Variants in ZNF346 observed in about 807,000 individuals in gnomAD.
ZNF346 encodes double-stranded RNA-binding zinc finger protein JAZ.
Under a neutral mutation model 33.7 loss-of-function variants are expected in ZNF346, and 23 were observed. The observed-to-expected ratio is 0.68, with a 90% confidence interval of 0.49 to 0.97. The LOEUF (loss-of-function observed/expected upper bound fraction) is 0.97, where lower values mean the gene tolerates loss of function less well. ZNF346 is among the 50% of genes least tolerant of loss of function. The pLI is 0.00. For synonymous variants in ZNF346, 134 were observed against 142.4 expected (o/e 0.94, Z 0.42); for missense variants, 340 against 371.1 (o/e 0.92, Z 0.69).
intron 5 of ZNF346, among the ~76,000 whole-genome samples, 155 bp downstream of exon 5, chr5:177,051,091 G>T (rs972937852): frequency 6.6e-6 from 1 of 151,802 alleles, no homozygotes; most frequent in Admixed American, 6.6e-5. Flanking sequence ...TAAAATGAGA[G>T]CCAGGAAGGG....
chr5:177,069,358 A>G (rs946461970), downstream of ZNF346, among the ~76,000 whole-genome samples: 3 of 151,678 alleles, frequency 2.0e-5, no homozygotes, highest in Non-Finnish European at 4.4e-5. Context: ...TCGCTGAGGC[A>G]GGAGAATCGC....
Position 177,065,882 on chromosome 5 carries a change from T to TGTGTGTGTGTGTG in ZNF346, c.*1283_*1284insGTGTGTGTGTGTG, listed in dbSNP as rs1562041922. ...GATGTGTGTGTGTGTGTGTGTGTGT[T>TGTGTGTGTGTGTG]TGTGTGTATGTGTGTGCTTCTGTGT... On this transcript the variant is annotated 3_prime_UTR_variant, in exon 7 of 7. Transcript: ENST00000358149. 1.1e-4 allele frequency: 16 copies of TGTGTGTGTGTGTG among 139,578 alleles called. No homozygotes were observed. The highest frequency in any genetic ancestry group is 4.8e-4 in the African/African-American group (16 of 32,996). The allele number at this position is 139,578 out of a possible 1,614,324, so 8.6% of individuals were successfully genotyped here.
chr5:177,057,458 C>T (rs1781852542), intron 5 of ZNF346, among the ~76,000 whole-genome samples: 1 of 149,350 alleles, frequency 6.7e-6, no homozygotes, highest in East Asian at 2.0e-4. Flanking sequence ...TGTTCTCAGC[C>T]GGGCGTGGTG....
intron 1 of ZNF346, among the ~76,000 whole-genome samples, chr5:177,033,549 A>C (rs2149600316): frequency 6.6e-6 from 1 of 152,012 alleles, no homozygotes; most frequent in East Asian, 1.9e-4. Context: ...TTTGAGATGG[A>C]GTCTCACTCT....
intron 3 of ZNF346, among the ~76,000 whole-genome samples, chr5:177,043,369 T>G (rs1230683911): frequency 6.6e-6 from 1 of 152,116 alleles, no homozygotes; most frequent in African/African-American, 2.4e-5. Context: ...TTTTACATAT[T>G]TGCACCCTAT....
At chr5:177,036,151 C>T (rs1426883999) in intron 1 of ZNF346, among the ~76,000 whole-genome samples, 1 of 152,052 alleles carries the variant, frequency 6.6e-6, no homozygotes, top group Non-Finnish European at 1.5e-5. Context: ...AGAGCTGAAA[C>T]AACAGCGGGG....
At chr5:177,034,996 A>ATTTTCTTTTCCTTTTCTTTTC (rs1778270451) in intron 1 of ZNF346, among the ~76,000 whole-genome samples, 1 of 150,280 alleles carries the variant, frequency 6.7e-6, no homozygotes, top group African/African-American at 2.5e-5. Flanking sequence ...CTCTCTAGTG[A>ATTTTCTTTTCCTTTTCTTTTC]TTTTCTTTTT....
At chr5:177,075,877 G>A (rs569361855) in intron 8 of ZNF346, among the ~76,000 whole-genome samples, 11 of 152,028 alleles carry the variant, frequency 7.2e-5, no homozygotes, top group Non-Finnish European at 1.6e-4. Context: ...AATAGATACA[G>A]GGTTTCACCA....
intron 8 of ZNF346, among the ~76,000 whole-genome samples, chr5:177,073,056 C>G (rs1783580874): frequency 6.6e-6 from 1 of 152,230 alleles, no homozygotes; most frequent in African/African-American, 2.4e-5. Context: ...CCCAGATGCC[C>G]TGTGTTCCCC....
intron 5 of ZNF346, among the ~76,000 whole-genome samples, chr5:177,061,102 A>ACT (rs34756556): frequency 0.58 from 86,877 of 150,046 alleles, 26,724 homozygotes; most frequent in African/African-American, 0.81. Context: ...ACAGAGCAAG[A>ACT]CTGTCTCAAA....
Position 177,077,917 on chromosome 5 carries a change from C to T in ZNF346, c.*3-1465C>T, listed in dbSNP as rs1436346322. On this transcript the variant is annotated intron_variant, in intron 8 of 8. Transcript: ENST00000503039. The surrounding 1 kb of genome is among the most constrained non-coding windows in gnomAD (Gnocchi z 5.0). ...ATCCCAGCACTTTGGGAGGCCGAGG[C>T]AGGTGGATCACCTGAGGTCAGGAGC... is the stretch of plus-strand genomic sequence containing the variant. Among the ~76,000 whole-genome samples the T allele has an allele frequency of 2.0e-5, 3 of 152,114 alleles. No individual in the cohort carries two copies. Among genetic ancestry groups the T allele is most frequent in the African/African-American group, 7.2e-5 (3 of 41,404 alleles).
chr5:177,037,313 A>G (rs934455716), intron 1 of ZNF346, among the ~76,000 whole-genome samples: 6 of 152,150 alleles, frequency 3.9e-5, no homozygotes, highest in Non-Finnish European at 7.4e-5. Context: ...CCAGCCCCAC[A>G]GTGTTCAATA....
intron 1 of ZNF346, among the ~76,000 whole-genome samples, chr5:177,031,011 G>A (rs1777613320): frequency 1.4e-5 from 2 of 147,804 alleles, no homozygotes; most frequent in Non-Finnish European, 3.0e-5. Flanking sequence ...CCCTCTGCCT[G>A]TAGAGTTCAA....
intron 1 of ZNF346, among the ~76,000 whole-genome samples, chr5:177,039,909 G>A (rs1369829319): frequency 2.0e-5 from 3 of 151,634 alleles, no homozygotes; most frequent in Admixed American, 6.6e-5. Flanking sequence ...GGCCGGGCGC[G>A]GTGGCTCACG....
chr5:177,073,519 GT>G (rs1042629976), intron 8 of ZNF346, among the ~76,000 whole-genome samples: 17 of 152,096 alleles, frequency 1.1e-4, no homozygotes, highest in African/African-American at 4.1e-4. Context: ...GCCCAGGCTG[GT>G]CTTGAACTCC....
intron 5 of ZNF346, among the ~76,000 whole-genome samples, chr5:177,058,113 G>A (rs980575354): frequency 6.6e-6 from 1 of 151,284 alleles, no homozygotes; most frequent in Non-Finnish European, 1.5e-5. Flanking sequence ...GAGCCACCAT[G>A]CCCAGCCTGA....
intron 1 of ZNF346, among the ~76,000 whole-genome samples, chr5:177,037,352 A>G (rs1008675489): frequency 6.6e-6 from 1 of 152,164 alleles, no homozygotes; most frequent in African/African-American, 2.4e-5. Flanking sequence ...TTCCCCATTT[A>G]TATCTCCAGC....
At chr5:177,026,008 T>G (rs897251638) in intron 1 of ZNF346, among the ~76,000 whole-genome samples, 2 of 140,000 alleles carry the variant, frequency 1.4e-5, no homozygotes, top group African/African-American at 2.6e-5. Context: ...TTTTTTTTTT[T>G]GAGATGCAGT....
intron 1 of ZNF346, among the ~76,000 whole-genome samples, chr5:177,024,654 C>A (rs1008782561): frequency 1.4e-4 from 21 of 152,200 alleles, no homozygotes; most frequent in African/African-American, 5.1e-4. Context: ...CCTGGAAAGG[C>A]TTGCAGTCTA....
Sources: gnomAD v4.1 joint callset for allele counts (sites outside exome capture counted in the v4.1 genomes callset) on GRCh38, gnomAD v4.1.1 for gene constraint, Gnocchi (gnomAD v3.1) non-coding constraint, MANE v1.5 for transcripts, NCBI Gene and HGNC (gene_info 2026-07-23, HGNC 2026-07-21) for gene names.